WRN: variants seen among roughly 807,000 people sequenced by gnomAD.
WRN encodes WRN RecQ like helicase, also known as bifunctional 3'-5' exonuclease/ATP-dependent helicase WRN.
Under a neutral mutation model 180.7 loss-of-function variants are expected in WRN, and 149 were observed. That is an observed-to-expected ratio of 0.82 (90% CI 0.72 to 0.94). The LOEUF is 0.94. WRN is among the 40% of genes least tolerant of loss of function. The pLI is 0.00. For synonymous variants in WRN, 548 were observed against 568.9 expected (o/e 0.96, Z 0.52); for missense variants, 1,661 against 1,700.1 (o/e 0.98, Z 0.40).
chr8:31,151,480 T>A (rs954139854), intron 31 of WRN, among the ~76,000 whole-genome samples: 1 of 152,214 alleles, frequency 6.6e-6, no homozygotes, highest in East Asian at 1.9e-4. Context: ...TTCATACTCT[T>A]ATATAAGACA....
intron 24 of WRN, among the ~76,000 whole-genome samples, chr8:31,138,493 A>G (rs1351123812): frequency 6.6e-6 from 1 of 152,142 alleles, no homozygotes; most frequent in African/African-American, 2.4e-5. Context: ...AATCCCAAAT[A>G]CAGTTCAGTT....
chr8:31,104,505 T>A (rs1208753688), intron 18 of WRN, among the ~76,000 whole-genome samples: 1 of 152,238 alleles, frequency 6.6e-6, no homozygotes, highest in Non-Finnish European at 1.5e-5. Context: ...ACCGTGTCTT[T>A]CACAGAGTAA....
intron 3 of WRN, among the ~76,000 whole-genome samples, chr8:31,061,626 A>G (rs1186317115): frequency 6.6e-6 from 1 of 151,670 alleles, no homozygotes; most frequent in Admixed American, 6.6e-5. Context: ...CATCTAAGTT[A>G]CCTGAAGATC....
intron 30 of WRN, among the ~76,000 whole-genome samples, chr8:31,149,648 G>T (rs1312815401): frequency 6.6e-6 from 1 of 151,344 alleles, no homozygotes. Flanking sequence ...CTAATTTTTT[G>T]TATTTTAGTA....
chr8:31,100,334 T>C (rs529759889), intron 17 of WRN, among the ~76,000 whole-genome samples: 1 of 152,304 alleles, frequency 6.6e-6, no homozygotes, highest in Admixed American at 6.5e-5. Context: ...CCCATACCAT[T>C]TTACATTAGA....
intron 27 of WRN, among the ~76,000 whole-genome samples, chr8:31,143,075 A>T (rs112667940): frequency 0.028 from 2,085 of 73,260 alleles, 26 homozygotes; most frequent in Middle Eastern, 0.081. Context: ...TCTCTCTCTC[A>T]CACACACACA....
intron 18 of WRN, among the ~76,000 whole-genome samples, chr8:31,101,467 T>C (rs772177663): frequency 2.6e-4 from 40 of 152,126 alleles, no homozygotes; most frequent in Non-Finnish European, 5.4e-4. Flanking sequence ...GTATTAGAAT[T>C]TCCCTTTCTT....
At chr8:31,097,736 G>T (rs534395144) in intron 17 of WRN, among the ~76,000 whole-genome samples, 2 of 152,046 alleles carry the variant, frequency 1.3e-5, no homozygotes, top group Non-Finnish European at 2.9e-5. Flanking sequence ...CCAAGATCAT[G>T]CTACTGCACT....
At chr8:31,058,594 G>T in intron 2 of WRN, 51 bp downstream of exon 2, 1 of 1,568,026 alleles carries the variant, frequency 6.4e-7, no homozygotes, top group South Asian at 1.1e-5. Flanking sequence ...ATTTATATTT[G>T]ACTGTGCAAA....
At chr8:31,119,230 A>G (rs1801629342) in intron 20 of WRN, among the ~76,000 whole-genome samples, 2 of 149,512 alleles carry the variant, frequency 1.3e-5, no homozygotes, top group South Asian at 4.2e-4. Flanking sequence ...CCATCTTAGC[A>G]TGTAATCTTT....
rs185953694 is a variant in WRN at position 31,052,413 on chromosome 8, A to G, written c.-76-5959A>G. ...TAGAGTCTAATTTTTTTTTTGAGAC[A>G]GTCTTGCTCTGTTGCCCAGGGTGGA... On this transcript the variant is annotated intron_variant, in intron 1 of 34. Coordinates refer to ENST00000298139, the MANE Select transcript of WRN (RefSeq NM_000553.6). 4.0e-4 allele frequency among the ~76,000 whole-genome samples: 61 copies of G among 152,110 alleles called. No individual in the cohort carries two copies. In the Middle Eastern group the frequency reaches 0.01, roughly 25 times the overall value.
intron 23 of WRN, among the ~76,000 whole-genome samples, chr8:31,128,261 TAA>T (rs1802004655): frequency 6.6e-6 from 1 of 151,844 alleles, no homozygotes; most frequent in African/African-American, 2.4e-5. Context: ...AACATAGTAA[TAA>T]GTTTGCTTAT....
chr8:31,068,142 A>C, intron 6 of WRN, 116 bp from the exon 7 acceptor site: 1 of 735,260 alleles, frequency 1.4e-6, no homozygotes, highest in Non-Finnish European at 2.4e-6. Context: ...TAATAGGTTG[A>C]ATTCCATGTT....
intron 24 of WRN, among the ~76,000 whole-genome samples, chr8:31,133,598 C>A (rs1248515527): frequency 6.6e-6 from 1 of 151,702 alleles, no homozygotes; most frequent in Non-Finnish European, 1.5e-5. Context: ...TTGAAAACTT[C>A]TGTTGATTTT....
chr8:31,147,997 C>T (rs769379213), intron 30 of WRN, among the ~76,000 whole-genome samples: 16 of 151,578 alleles, frequency 1.1e-4, no homozygotes, highest in Middle Eastern at 3.4e-3. Context: ...AAGCTATCCT[C>T]GCACCTCAGC....
At chr8:31,079,772 C>G (rs1260667768) in intron 8 of WRN, among the ~76,000 whole-genome samples, 1 of 152,132 alleles carries the variant, frequency 6.6e-6, no homozygotes, top group East Asian at 1.9e-4. Flanking sequence ...TGCAAAACAG[C>G]ATCATTTTCA....
At chr8:31,104,859 G>A (rs544847726) in intron 18 of WRN, among the ~76,000 whole-genome samples, 2 of 152,266 alleles carry the variant, frequency 1.3e-5, no homozygotes, top group East Asian at 1.9e-4. Context: ...AATTTTGAAC[G>A]AATAAAGTTG....
chr8:31,171,708 A>C (rs1185366772), intron 34 of WRN: 1 of 152,168 alleles, frequency 6.6e-6, no homozygotes, highest in East Asian at 1.9e-4. Context: ...ACCTTTTTTA[A>C]ATATAAAGTT....
At chr8:31,064,516 T>C in intron 4 of WRN, 82 bp downstream of exon 4, 1 of 1,576,780 alleles carries the variant, frequency 6.3e-7, no homozygotes, top group Non-Finnish European at 8.7e-7. Context: ...AGTTCTTTTA[T>C]TAGCTGGCCG....
Sources: allele counts gnomAD v4.1 joint callset (sites outside exome capture counted in the v4.1 genomes callset), GRCh38; gene constraint gnomAD v4.1.1; transcripts MANE v1.5; gene names NCBI Gene and HGNC (gene_info 2026-07-23, HGNC 2026-07-21).